JAK1: variants seen among roughly 807,000 people sequenced by gnomAD.
The protein encoded by JAK1 is tyrosine-protein kinase JAK1.
JAK1 carries 16 observed loss-of-function variants against 136.6 expected under a neutral mutation model. That is an observed-to-expected ratio of 0.12 (90% confidence interval 0.08 to 0.18). The LOEUF (loss-of-function observed/expected upper bound fraction) is 0.18, where lower values mean the gene tolerates loss of function less well. JAK1 is among the 10% of genes least tolerant of loss of function. The pLI, the probability that JAK1 is intolerant of heterozygous loss-of-function variation, is 1.00. For synonymous variants in JAK1, 492 were observed against 519.5 expected (o/e 0.95, Z 0.72); for missense variants, 859 against 1,450.1 (o/e 0.59, Z 6.62).
At chr1:64,862,696 C>T (rs1656426182) in intron 8 of JAK1, among the ~76,000 whole-genome samples, 1 of 152,210 alleles carries the variant, frequency 6.6e-6, no homozygotes, top group African/African-American at 2.4e-5. Flanking sequence ...CAGGCATACA[C>T]CACGTTGAAG....
At chr1:65,047,519 C>A (rs1336294558) in intron 1 of JAK1, among the ~76,000 whole-genome samples, 9 of 152,110 alleles carry the variant, frequency 5.9e-5, no homozygotes, top group Non-Finnish European at 8.8e-5. Flanking sequence ...GAGATCGAGA[C>A]CATCCTGGCT....
At chr1:64,990,998 G>T (rs1204668845) in intron 2 of JAK1, among the ~76,000 whole-genome samples, 7 of 145,148 alleles carry the variant, frequency 4.8e-5, no homozygotes, top group Non-Finnish European at 9.0e-5. Flanking sequence ...AGGAAGCCCA[G>T]ATATTGAACT....
At chr1:64,879,280 G>A in intron 3 of JAK1, 132 bp from the exon 4 acceptor site, 1 of 1,035,738 alleles carries the variant, frequency 9.7e-7, no homozygotes, top group Non-Finnish European at 1.4e-6. Flanking sequence ...TATCCTCTTA[G>A]GGCAAACAGA....
chr1:64,862,413 G>A (rs531342215), intron 8 of JAK1, among the ~76,000 whole-genome samples: 1 of 152,298 alleles, frequency 6.6e-6, no homozygotes, highest in Admixed American at 6.5e-5. Flanking sequence ...TAAAATAGGT[G>A]GTATTTGTGA....
Position 64,984,877 on chromosome 1 carries a change from A to G in JAK1, c.-78+59603T>C. ...AGGAAGTTGGAGGTCCAGGTGGAGC[A>G]GCCGGCCACTGCCATCACAGCTGGG... is the stretch of plus-strand genomic sequence containing the variant. On this transcript the variant is annotated intron_variant, in intron 2 of 25. Coordinates refer to the JAK1 transcript ENST00000671954. The surrounding 1 kb of genome is among the most constrained non-coding windows in gnomAD (Gnocchi z 4.1). 1 of 1,191,246 alleles carries G rather than the reference A, an allele frequency of 8.4e-7. No individual in the cohort carries two copies. Among genetic ancestry groups the G allele is most frequent in the South Asian group, 1.2e-5 (1 of 82,564 alleles). The allele number at this position is 1,191,246 out of a possible 1,614,324, so 73.8% of individuals were successfully genotyped here.
At chr1:64,955,968 A>G (rs939683796) in intron 1 of JAK1, among the ~76,000 whole-genome samples, 2 of 152,264 alleles carry the variant, frequency 1.3e-5, no homozygotes, top group Non-Finnish European at 2.9e-5. Flanking sequence ...TTGAACGCCA[A>G]TAAGCTGACG....
intron 2 of JAK1, among the ~76,000 whole-genome samples, chr1:64,978,619 C>A (rs763467894): frequency 6.6e-6 from 1 of 152,076 alleles, no homozygotes; most frequent in African/African-American, 2.4e-5. Flanking sequence ...GGCCAGTGAG[C>A]CCAAGGATGC....
At chr1:65,039,196 C>T (rs1014447082) in intron 2 of JAK1, among the ~76,000 whole-genome samples, 4 of 152,112 alleles carry the variant, frequency 2.6e-5, no homozygotes, top group African/African-American at 7.2e-5. Flanking sequence ...GCAAGGGGGC[C>T]AGGTGTGCCA....
intron 2 of JAK1, among the ~76,000 whole-genome samples, chr1:64,991,090 T>A (rs1646653133): frequency 6.6e-6 from 1 of 150,642 alleles, no homozygotes; most frequent in Non-Finnish European, 1.5e-5. Flanking sequence ...CTAAAGAAAA[T>A]CAGGAAAATA....
chr1:64,858,135 C>T (rs1656060082), intron 9 of JAK1, among the ~76,000 whole-genome samples: 1 of 152,312 alleles, frequency 6.6e-6, no homozygotes, highest in South Asian at 2.1e-4. Context: ...CCCTAGCCAG[C>T]CCAGTGGAAG....
At chr1:65,021,623 A>G (rs778117626) in intron 2 of JAK1, among the ~76,000 whole-genome samples, 2 of 152,148 alleles carry the variant, frequency 1.3e-5, no homozygotes, top group Non-Finnish European at 2.9e-5. Context: ...TTGTTCATTG[A>G]ATCCCTGAGT....
intron 1 of JAK1, among the ~76,000 whole-genome samples, chr1:64,957,510 T>C (rs939355477): frequency 3.2e-4 from 48 of 152,174 alleles, no homozygotes; most frequent in African/African-American, 9.9e-4. Context: ...CAGATTTCCA[T>C]GTATAAAAGT....
intron 2 of JAK1, among the ~76,000 whole-genome samples, chr1:64,997,516 T>G (rs1338954655): frequency 1.3e-5 from 2 of 152,010 alleles, no homozygotes; most frequent in Non-Finnish European, 2.9e-5. Flanking sequence ...GGTAGGTGGT[T>G]AAAAAAAATC....
chr1:65,030,015 T>C (rs1372821885), intron 2 of JAK1, among the ~76,000 whole-genome samples: 1 of 152,140 alleles, frequency 6.6e-6, no homozygotes, highest in Non-Finnish European at 1.5e-5. Context: ...ATCCGTGTTT[T>C]GAAGCCCTAA....
At chr1:64,956,436 G>C (rs540338834) in intron 1 of JAK1, among the ~76,000 whole-genome samples, 1 of 152,306 alleles carries the variant, frequency 6.6e-6, no homozygotes, top group South Asian at 2.1e-4. Context: ...TTTTCTTACA[G>C]ATCATTGCAC....
At chr1:64,899,361 G>A (rs1645071019) in intron 1 of JAK1, among the ~76,000 whole-genome samples, 1 of 152,152 alleles carries the variant, frequency 6.6e-6, no homozygotes, top group Non-Finnish European at 1.5e-5. Context: ...GTAAATATAA[G>A]CCTGGATTAG....
At position 64,844,842 on chromosome 1, in the gene JAK1, G is replaced by A. The variant is rs2100995625; in HGVS notation, c.2163C>T (p.Leu721=). The change falls in exon 16 of 25, where the codon CTC becomes CTT. Residue 721 remains leucine (L), a synonymous_variant. Transcript: ENST00000342505. This position sits in a 1 kb window ranked among gnomAD's most constrained non-coding sequence, Gnocchi z 5.7. The part of the protein sequence containing the change: ...VHGNVCTKNL[L]LAREGIDSEC... The stretch of plus-strand genomic sequence containing the variant: ...CACTGTCGATGCCCTCACGGGCCAG[G>A]AGGAGGTTTTTAGTACACACATTTC... 1 of 1,614,218 alleles carries A rather than the reference G, an allele frequency of 6.2e-7. No individual in the cohort carries two copies. The highest frequency in any genetic ancestry group is 8.5e-7 in the Non-Finnish European group (1 of 1,180,034).
intron 2 of JAK1, among the ~76,000 whole-genome samples, chr1:65,011,810 A>G (rs1457590900): frequency 6.6e-6 from 1 of 152,184 alleles, no homozygotes; most frequent in Non-Finnish European, 1.5e-5. Context: ...CTAGGTAATG[A>G]AAAGTTCTCT....
chr1:65,014,906 C>G (rs1646880628), intron 2 of JAK1, among the ~76,000 whole-genome samples: 1 of 151,820 alleles, frequency 6.6e-6, no homozygotes, highest in East Asian at 1.9e-4. Context: ...AGGAAGGTCT[C>G]GATCTCCTGA....
Sources: gnomAD v4.1 joint callset for allele counts (sites outside exome capture counted in the v4.1 genomes callset) on GRCh38, gnomAD v4.1.1 for gene constraint, Gnocchi (gnomAD v3.1) non-coding constraint, MANE v1.5 for transcripts, NCBI Gene and HGNC (gene_info 2026-07-23, HGNC 2026-07-21) for gene names.